ZDHHC15: variants seen among roughly 807,000 people sequenced by gnomAD.
ZDHHC15 encodes palmitoyltransferase ZDHHC15.
A neutral mutation model predicts 31.7 loss-of-function variants in ZDHHC15; 19 were observed. The observed-to-expected ratio is 0.60, with a 90% CI of 0.42 to 0.88. ZDHHC15 has a LOEUF of 0.88. Ranked by LOEUF, ZDHHC15 falls within the 40% of genes least tolerant of loss-of-function variation. The pLI, the probability that ZDHHC15 is intolerant of heterozygous loss-of-function variation, is 0.00. For synonymous variants in ZDHHC15, 103 were observed against 90.0 expected (o/e 1.14, Z -0.82); for missense variants, 209 against 251.2 (o/e 0.83, Z 1.14).
intron 10 of ZDHHC15, among the ~76,000 whole-genome samples, chrX:75,415,806 C>A (rs2083542607): frequency 8.9e-6 from 1 of 112,296 alleles, no homozygotes; most frequent in Non-Finnish European, 1.9e-5. Context: ...AAAATATAAC[C>A]TCTTTATGAT....
chrX:75,521,637 T>C (rs1288825955), intron 1 of ZDHHC15, among the ~76,000 whole-genome samples: 1 of 110,563 alleles, frequency 9.0e-6, no homozygotes, highest in Non-Finnish European at 1.9e-5. Flanking sequence ...TAAAAAAAGA[T>C]CATAGAATTA....
chrX:75,516,012 G>A (rs760089126), intron 1 of ZDHHC15, among the ~76,000 whole-genome samples: 1 of 111,177 alleles, frequency 9.0e-6, no homozygotes, highest in African/African-American at 3.3e-5. Flanking sequence ...AAATACCTAG[G>A]AATCCAACTT....
At chrX:75,380,223 T>C (rs940567355) in intron 10 of ZDHHC15, among the ~76,000 whole-genome samples, 8 of 112,097 alleles carry the variant, frequency 7.1e-5, no homozygotes, top group Non-Finnish European at 1.5e-4. Flanking sequence ...TGCTTAAGCA[T>C]ATATCTCATC....
intron 10 of ZDHHC15, among the ~76,000 whole-genome samples, chrX:75,411,807 AT>A (rs1480116388): frequency 2.7e-5 from 3 of 112,218 alleles, no homozygotes; most frequent in Non-Finnish European, 5.6e-5. Flanking sequence ...AGAAACTGGA[AT>A]TTTGAAATCT....
intron 2 of ZDHHC15, among the ~76,000 whole-genome samples, chrX:75,496,415 C>T (rs747664488): frequency 4.5e-5 from 5 of 110,919 alleles, no homozygotes; most frequent in African/African-American, 9.8e-5. Flanking sequence ...TGGGGGACTT[C>T]GATACTCAAC....
intron 2 of ZDHHC15, among the ~76,000 whole-genome samples, chrX:75,504,587 C>T (rs2085131238): frequency 1.8e-5 from 2 of 111,113 alleles, no homozygotes; most frequent in African/African-American, 6.5e-5. Context: ...CACAAATCCA[C>T]AGGATTAGAA....
At chrX:75,502,760 G>A (rs1287590685) in intron 2 of ZDHHC15, among the ~76,000 whole-genome samples, 4 of 110,582 alleles carry the variant, frequency 3.6e-5, no homozygotes, top group African/African-American at 1.3e-4. Context: ...TGTGGAGCAG[G>A]GAAGATTTCC....
intron 7 of ZDHHC15, among the ~76,000 whole-genome samples, chrX:75,426,133 T>C (rs1036654360): frequency 2.7e-5 from 3 of 112,803 alleles, no homozygotes; most frequent in South Asian, 3.6e-4. Flanking sequence ...TTTGAACTTA[T>C]AGAAAAGATT....
chrX:75,389,867 T>A (rs1306475578), intron 10 of ZDHHC15, among the ~76,000 whole-genome samples: 1 of 112,163 alleles, frequency 8.9e-6, no homozygotes, highest in Non-Finnish European at 1.9e-5. Context: ...GCAGGTTAGG[T>A]ACCAGCTTGG....
chrX:75,440,882 G>T (rs1027725889), intron 4 of ZDHHC15, among the ~76,000 whole-genome samples: 1 of 111,380 alleles, frequency 9.0e-6, no homozygotes, highest in Non-Finnish European at 1.9e-5. Flanking sequence ...GTTGTTCTCA[G>T]GTTAATGGAG....
intron 3 of ZDHHC15, among the ~76,000 whole-genome samples, chrX:75,453,339 G>C (rs2084156494): frequency 9.0e-6 from 1 of 111,363 alleles, no homozygotes; most frequent in Non-Finnish European, 1.9e-5. Flanking sequence ...GACTAAACCA[G>C]GAAGAAGCTG....
intron 5 of ZDHHC15, among the ~76,000 whole-genome samples, chrX:75,430,545 G>T: frequency 8.9e-6 from 1 of 111,876 alleles, no homozygotes; most frequent in Non-Finnish European, 1.9e-5. Flanking sequence ...TAAATGAAGA[G>T]AAGAGATAAA....
At chrX:75,461,396 C>A (rs1183406647) in intron 3 of ZDHHC15, among the ~76,000 whole-genome samples, 4 of 111,529 alleles carry the variant, frequency 3.6e-5, no homozygotes, top group African/African-American at 1.3e-4. Flanking sequence ...TCCAGCCTAG[C>A]AAGACAGGCC....
intron 9 of ZDHHC15, among the ~76,000 whole-genome samples, chrX:75,417,538 A>C: frequency 8.9e-6 from 1 of 112,114 alleles, no homozygotes. Flanking sequence ...TTTGATTCTA[A>C]GTTTTCAAGA....
intron 4 of ZDHHC15, among the ~76,000 whole-genome samples, chrX:75,441,865 C>T (rs1447340882): frequency 9.1e-6 from 1 of 110,285 alleles, no homozygotes; most frequent in Non-Finnish European, 1.9e-5. Flanking sequence ...TCTCGTGATC[C>T]ACCCACCTCA....
intron 1 of ZDHHC15, among the ~76,000 whole-genome samples, chrX:75,521,469 G>A (rs1379004897): frequency 9.0e-6 from 1 of 110,621 alleles, no homozygotes; most frequent in Non-Finnish European, 1.9e-5. Context: ...GGGAACGGGG[G>A]GAATTAAAGT....
At chrX:75,491,517 C>G (rs938976205) in intron 2 of ZDHHC15, among the ~76,000 whole-genome samples, 2 of 105,491 alleles carry the variant, frequency 1.9e-5, no homozygotes, top group African/African-American at 6.9e-5. Context: ...GGAGATATAC[C>G]TAATGCTAAA....
intron 3 of ZDHHC15, among the ~76,000 whole-genome samples, chrX:75,474,256 C>A (rs770475525): frequency 1.2e-4 from 13 of 109,652 alleles, no homozygotes; most frequent in African/African-American, 4.0e-4. Flanking sequence ...AAAGACTAGA[C>A]TGGCCTAGCC....
chrX:75,467,566 C>T (rs1447772541), intron 3 of ZDHHC15, among the ~76,000 whole-genome samples: 2 of 112,023 alleles, frequency 1.8e-5, no homozygotes, highest in African/African-American at 6.5e-5. Context: ...ATGTACTCTC[C>T]TTTTCTTTTT....
Sources: gnomAD v4.1 joint callset for allele counts (sites outside exome capture counted in the v4.1 genomes callset) on GRCh38, gnomAD v4.1.1 for gene constraint, MANE v1.5 for transcripts, NCBI Gene and HGNC (gene_info 2026-07-23, HGNC 2026-07-21) for gene names.